The following TNPO1 variants were observed in gnomAD, a reference collection of about 807,000 sequenced individuals.
The protein encoded by TNPO1 is transportin-1.
In TNPO1, 8 loss-of-function variants were observed where a neutral mutation model predicts 119.5. The observed-to-expected ratio is 0.07, with a 90% confidence interval of 0.04 to 0.12. The LOEUF (loss-of-function observed/expected upper bound fraction) is 0.12, where lower values mean the gene tolerates loss of function less well. Among genes scored for constraint, TNPO1 ranks in the 10% least tolerant of loss-of-function variants. TNPO1 has a pLI of 1.00. For missense variants in TNPO1, 576 were observed against 1,089.8 expected (o/e 0.53, Z 6.64); for synonymous variants, 362 against 363.0 (o/e 1.00, Z 0.03).
intron 15 of TNPO1, 52 bp from the exon 16 acceptor site, chr5:72,893,087 A>G (rs1422840963): frequency 5.0e-6 from 7 of 1,400,846 alleles, no homozygotes; most frequent in Non-Finnish European, 6.0e-6. Context: ...AGCATTCATC[A>G]TAATCTTCAG....
At chr5:72,882,363 C>A in intron 9 of TNPO1, 104 bp from the exon 10 acceptor site, 2 of 765,764 alleles carry the variant, frequency 2.6e-6, no homozygotes, top group Non-Finnish European at 4.2e-6. Flanking sequence ...ACAATATTAC[C>A]ATTGATTATC....
At chr5:72,897,328 T>G (rs1266611103) in intron 20 of TNPO1, among the ~76,000 whole-genome samples, 177 bp downstream of exon 20, 1 of 152,196 alleles carries the variant, frequency 6.6e-6, no homozygotes, top group African/African-American at 2.4e-5. Context: ...ATAACCAGTT[T>G]TCAGTGGTTA....
At chr5:72,863,855 A>G (rs781771355) in intron 5 of TNPO1, among the ~76,000 whole-genome samples, 6 of 152,170 alleles carry the variant, frequency 3.9e-5, no homozygotes, top group Non-Finnish European at 8.8e-5. Context: ...CTTTGGTGTG[A>G]TGGTAATAAC....
At chr5:72,885,082 A>G (rs959433542) in intron 11 of TNPO1, among the ~76,000 whole-genome samples, 9 of 152,336 alleles carry the variant, frequency 5.9e-5, no homozygotes, top group African/African-American at 2.2e-4. Flanking sequence ...CTAACATTCT[A>G]TTTAGAGTGC....
chr5:72,816,912 C>G, intron 1 of TNPO1, 160 bp downstream of exon 1: 1 of 861,872 alleles, frequency 1.2e-6, no homozygotes, highest in Non-Finnish European at 1.7e-6. Context: ...CGGCGCGGTT[C>G]TAACCCCAAC....
At chr5:72,892,612 G>A (rs138662558) in intron 15 of TNPO1, among the ~76,000 whole-genome samples, 3,602 of 152,160 alleles carry the variant, frequency 0.024, 64 homozygotes, top group Non-Finnish European at 0.033. Flanking sequence ...GAAATCCAGC[G>A]ATGCTCAAGT....
intron 20 of TNPO1, 89 bp from the exon 21 acceptor site, chr5:72,899,917 G>C: frequency 9.6e-7 from 1 of 1,038,004 alleles, no homozygotes; most frequent in Non-Finnish European, 1.5e-6. Context: ...GTTATTTGTT[G>C]TTTTTTCTTT....
At chr5:72,891,338 G>C (rs1232662362) in intron 14 of TNPO1, among the ~76,000 whole-genome samples, 1 of 151,992 alleles carries the variant, frequency 6.6e-6, no homozygotes, top group East Asian at 2.0e-4. Context: ...GGTGGGGGGT[G>C]CCTGTAGTCC....
At chr5:72,882,935 A>G (rs1748355902) in intron 10 of TNPO1, 129 bp from the exon 11 acceptor site, 1 of 723,058 alleles carries the variant, frequency 1.4e-6, no homozygotes, top group Non-Finnish European at 2.4e-6. Flanking sequence ...GTGGTTCTTA[A>G]TCACTCTGGA....
At chr5:72,844,198 G>A (rs1745031973) in intron 1 of TNPO1, among the ~76,000 whole-genome samples, 1 of 152,174 alleles carries the variant, frequency 6.6e-6, no homozygotes, top group Non-Finnish European at 1.5e-5. Flanking sequence ...TTTCTAGAAT[G>A]GAAATAGCTA....
Position 72,855,932 on chromosome 5 carries a change from T to C in TNPO1, c.355+9T>C, listed in dbSNP as rs1353726729. ...GATTAGAGCCACTGTTGGTAAGTTA[T>C]ATTACAACAGTTTTGCTTACTTTGT... On this transcript the variant is annotated intron_variant, in intron 4 of 24. Coordinates refer to ENST00000337273, the MANE Select transcript of TNPO1 (RefSeq NM_002270.4). 6.2e-6 allele frequency: 10 copies of C among 1,612,078 alleles called. No individual in the cohort carries two copies. Among genetic ancestry groups the C allele is most frequent in the South Asian group, 1.1e-5 (1 of 90,786 alleles).
chr5:72,886,128 A>T (rs1748608166), intron 11 of TNPO1, among the ~76,000 whole-genome samples: 1 of 151,656 alleles, frequency 6.6e-6, no homozygotes, highest in Admixed American at 6.6e-5. Flanking sequence ...CTTCAGGAAC[A>T]CGTTCCTACC....
At chr5:72,880,937 A>T (rs1454188031) in intron 9 of TNPO1, among the ~76,000 whole-genome samples, 2 of 152,198 alleles carry the variant, frequency 1.3e-5, no homozygotes, top group Middle Eastern at 3.4e-3. Flanking sequence ...GGGCAGGCAC[A>T]TGCCAAATTG....
Position 72,816,743 on chromosome 5 carries a change from G to A in TNPO1, c.6G>A (p.Val2=), listed in dbSNP as rs756924423. ...GAGCGCCCGAGGCGTCTGGGATGGT[G>A]TGGGACCGGGTAGGTGGCGTGAGGG... M[V]WDRQTKMEYE... The change falls in exon 1 of 25, where the codon GTG becomes GTA. Residue 2 remains valine (V), a synonymous_variant. Coordinates refer to ENST00000337273, the MANE Select transcript of TNPO1 (RefSeq NM_002270.4). The A allele has an allele frequency of 6.3e-7, 1 of 1,585,772 alleles. No individual in the cohort carries two copies. The highest frequency in any genetic ancestry group is 1.4e-5 in the African/African-American group (1 of 73,208).
At chr5:72,864,266 T>C (rs1298555324) in intron 5 of TNPO1, among the ~76,000 whole-genome samples, 2 of 152,198 alleles carry the variant, frequency 1.3e-5, no homozygotes, top group Non-Finnish European at 2.9e-5. Context: ...TAAAAATATT[T>C]TCAGATTTAA....
chr5:72,822,931 T>C (rs2112163782), intron 1 of TNPO1, among the ~76,000 whole-genome samples: 1 of 96,532 alleles, frequency 1.0e-5, no homozygotes, highest in Admixed American at 1.2e-4. Flanking sequence ...TTTTTTTTTT[T>C]TGGAGACACA....
rs930618379 is a variant in TNPO1, at chr5:72,899,073, C to T, written c.2339-933C>T. On this transcript the variant is annotated intron_variant, in intron 20 of 24. Coordinates refer to ENST00000337273, the MANE Select transcript of TNPO1 (RefSeq NM_002270.4). ...TAGCTCTTTGTAAGTTTAAAGACTT[C>T]CTCAATTTTTATGGTGAATATATGT... Among the ~76,000 whole-genome samples the T allele has an allele frequency of 3.3e-5, 5 of 151,996 alleles. No individual in the cohort carries two copies. The East Asian group carries it at 9.6e-4, about 29-fold the overall frequency.
intron 9 of TNPO1, among the ~76,000 whole-genome samples, chr5:72,878,229 G>T (rs1025014421): frequency 2.0e-5 from 3 of 151,966 alleles, no homozygotes; most frequent in African/African-American, 7.2e-5. Context: ...AATAATCCTG[G>T]AGTGAATATC....
intron 4 of TNPO1, among the ~76,000 whole-genome samples, chr5:72,858,290 A>G (rs746076176): frequency 1.2e-4 from 18 of 152,214 alleles, no homozygotes; most frequent in Non-Finnish European, 2.4e-4. Flanking sequence ...TAATGGATAC[A>G]TTTAGTTCAT....
Sources: allele counts gnomAD v4.1 joint callset (sites outside exome capture counted in the v4.1 genomes callset), GRCh38; gene constraint gnomAD v4.1.1; transcripts MANE v1.5; gene names NCBI Gene and HGNC (gene_info 2026-07-23, HGNC 2026-07-21).